The following XRCC4 variants were observed in gnomAD, a reference collection of about 807,000 sequenced individuals.
XRCC4 encodes X-ray repair cross complementing 4, also known as DNA repair protein XRCC4.
XRCC4 carries 28 observed loss-of-function variants against 39.1 expected under a neutral mutation model. That is an observed-to-expected ratio of 0.72 (90% CI 0.53 to 0.98). XRCC4 has a LOEUF of 0.98. Among genes scored for constraint, XRCC4 ranks in the 50% least tolerant of loss-of-function variants. XRCC4 has a pLI of 0.00. For synonymous variants in XRCC4, 123 were observed against 126.4 expected (o/e 0.97, Z 0.18); for missense variants, 350 against 376.4 (o/e 0.93, Z 0.58).
chr5:83,233,549 A>G (rs1229355732), intron 6 of XRCC4, among the ~76,000 whole-genome samples: 1 of 151,982 alleles, frequency 6.6e-6, no homozygotes, highest in East Asian at 1.9e-4. Context: ...GGATTTATAT[A>G]TATATATATT....
chr5:83,351,452 G>A (rs191638522), intron 7 of XRCC4, among the ~76,000 whole-genome samples: 1 of 152,108 alleles, frequency 6.6e-6, no homozygotes, highest in East Asian at 1.9e-4. Flanking sequence ...TGTCTAGGAG[G>A]AGCACAAGCA....
At chr5:83,240,374 G>C (rs528068349) in intron 6 of XRCC4, among the ~76,000 whole-genome samples, 1 of 152,060 alleles carries the variant, frequency 6.6e-6, no homozygotes, top group Admixed American at 6.6e-5. Context: ...GACACAAGGG[G>C]TATTGGATCA....
intron 7 of XRCC4, among the ~76,000 whole-genome samples, chr5:83,299,542 T>C (rs1755204944): frequency 6.6e-6 from 1 of 152,138 alleles, no homozygotes; most frequent in Non-Finnish European, 1.5e-5. Flanking sequence ...ATGTTATATC[T>C]TCTCACTCTG....
chr5:83,231,703 A>G lies in XRCC4; in HGVS notation c.745+26782A>G, dbSNP rs193258063. Among the ~76,000 whole-genome samples the G allele has an allele frequency of 1.5e-3, 234 of 152,166 alleles. 3 individuals are homozygous for G. The South Asian group carries it at 0.019, about 12-fold the overall frequency. ...TTTAATTTGGCACAATTTCCTACCT[A>G]TTTCAGAAGGATAAAGTATGGTTTA... On this transcript the variant is annotated intron_variant, in intron 6 of 7. Transcript: ENST00000396027.
At chr5:83,080,879 C>T (rs755588449) in intron 1 of XRCC4, among the ~76,000 whole-genome samples, 4 of 152,122 alleles carry the variant, frequency 2.6e-5, no homozygotes, top group Non-Finnish European at 5.9e-5. Flanking sequence ...GAAAAGAAAT[C>T]CTATGTTGAT....
chr5:83,344,130 TCACACACACACACACA>T (rs61032306), intron 7 of XRCC4, among the ~76,000 whole-genome samples: 1 of 148,088 alleles, frequency 6.8e-6, no homozygotes, highest in Non-Finnish European at 1.5e-5. Flanking sequence ...GACACAGATC[TCACACACACACACACA>T]CACACACACA....
At chr5:83,147,608 G>A (rs1400281427) in intron 3 of XRCC4, among the ~76,000 whole-genome samples, 3 of 152,018 alleles carry the variant, frequency 2.0e-5, no homozygotes, top group Non-Finnish European at 4.4e-5. Flanking sequence ...TTTCAATTAG[G>A]AGAAATAAAT....
intron 6 of XRCC4, among the ~76,000 whole-genome samples, chr5:83,231,083 G>A (rs1448212075): frequency 2.0e-5 from 3 of 151,988 alleles, no homozygotes. Flanking sequence ...AGGCAGCATA[G>A]CCTATTTTAG....
intron 7 of XRCC4, among the ~76,000 whole-genome samples, chr5:83,301,080 C>G (rs2112042021): frequency 1.3e-5 from 2 of 152,202 alleles, no homozygotes; most frequent in South Asian, 4.1e-4. Flanking sequence ...ATTTATAATC[C>G]TTTGGGTATA....
chr5:83,147,302 C>G (rs187857837), intron 3 of XRCC4, among the ~76,000 whole-genome samples: 16 of 151,960 alleles, frequency 1.1e-4, no homozygotes, highest in Non-Finnish European at 2.4e-4. Context: ...AGAATCAACC[C>G]GGGTATCCAT....
Position 83,210,470 on chromosome 5 carries a change from G to A in XRCC4, c.745+5549G>A, listed in dbSNP as rs532422143. Among the ~76,000 whole-genome samples the A allele has an allele frequency of 3.3e-5, 5 of 152,252 alleles. No homozygotes were observed. In the East Asian group the frequency reaches 5.8e-4, roughly 18 times the overall value. On this transcript the variant is annotated intron_variant, in intron 6 of 7. Coordinates refer to ENST00000396027, the MANE Select transcript of XRCC4 (RefSeq NM_003401.5). ...GTTATTTAAGCTCATTGTTTTTCCA[G>A]TGAGGGAACAGAGGCCTAGAAAGAT...
intron 3 of XRCC4, among the ~76,000 whole-genome samples, chr5:83,142,700 T>A (rs1748244337): frequency 6.6e-6 from 1 of 152,200 alleles, no homozygotes; most frequent in African/African-American, 2.4e-5. Context: ...TGTTATTTTT[T>A]AATTGTCATT....
At chr5:83,141,418 A>G (rs1748167667) in intron 3 of XRCC4, among the ~76,000 whole-genome samples, 1 of 152,190 alleles carries the variant, frequency 6.6e-6, no homozygotes, top group Non-Finnish European at 1.5e-5. Flanking sequence ...TTGAATTACC[A>G]CTAGTAACAT....
rs1747403376 is a variant in XRCC4, at chr5:83,128,708, A to C, written c.315+17505A>C. ...ATATCTCATTGTGGTTTTGATTTGC[A>C]TTTCTCTGATGGCCAGTGATGATGA... On this transcript the variant is annotated intron_variant, in intron 3 of 7. Coordinates refer to ENST00000396027, the MANE Select transcript of XRCC4 (RefSeq NM_003401.5). 1.3e-5 allele frequency among the ~76,000 whole-genome samples: 2 copies of C among 152,096 alleles called. 1 individual carries two copies. Among genetic ancestry groups the C allele is most frequent in the Admixed American group, 1.3e-4 (2 of 15,260 alleles).
intron 7 of XRCC4, among the ~76,000 whole-genome samples, chr5:83,294,623 T>C (rs991673033): frequency 6.6e-6 from 1 of 152,042 alleles, no homozygotes; most frequent in Admixed American, 6.6e-5. Context: ...TCAATAGCTT[T>C]TTAGGAATTA....
chr5:83,217,450 G>T (rs1053103971), intron 6 of XRCC4, among the ~76,000 whole-genome samples: 1 of 151,648 alleles, frequency 6.6e-6, no homozygotes, highest in Admixed American at 6.6e-5. Flanking sequence ...GTTCAAAAGT[G>T]CAAGTTTCAT....
intron 7 of XRCC4, among the ~76,000 whole-genome samples, chr5:83,294,709 T>A (rs934693293): frequency 6.6e-6 from 1 of 152,010 alleles, no homozygotes; most frequent in South Asian, 2.1e-4. Flanking sequence ...GGTTAAAAGA[T>A]CATGTATCAA....
chr5:83,342,420 G>A (rs1405911231), intron 7 of XRCC4, among the ~76,000 whole-genome samples: 1 of 152,074 alleles, frequency 6.6e-6, no homozygotes, highest in African/African-American at 2.4e-5. Flanking sequence ...TATAAAGCAT[G>A]TCAATTCATT....
intron 7 of XRCC4, among the ~76,000 whole-genome samples, chr5:83,273,307 G>A (rs1293320872): frequency 6.6e-6 from 1 of 152,152 alleles, no homozygotes; most frequent in Non-Finnish European, 1.5e-5. Context: ...GTTCCTTGTA[G>A]ATTCTGGATA....
Sources: allele counts gnomAD v4.1 joint callset (sites outside exome capture counted in the v4.1 genomes callset), GRCh38; gene constraint gnomAD v4.1.1; transcripts MANE v1.5; gene names NCBI Gene and HGNC (gene_info 2026-07-23, HGNC 2026-07-21).